Variants in MCAM observed in about 807,000 individuals in gnomAD.
MCAM encodes the protein cell surface glycoprotein MUC18.
MCAM carries 55 observed loss-of-function variants against 79.1 expected under a neutral mutation model. The observed-to-expected ratio is 0.70, with a 90% CI of 0.56 to 0.87. The LOEUF (loss-of-function observed/expected upper bound fraction) is 0.87. Among genes scored for constraint, MCAM ranks in the 40% least tolerant of loss-of-function variants. The probability of loss-of-function intolerance (pLI) is 0.00; values close to 1 mark genes in which losing one functional copy is unlikely to be tolerated. For synonymous variants in MCAM, 330 were observed against 339.8 expected (o/e 0.97, Z 0.32); for missense variants, 745 against 839.8 (o/e 0.89, Z 1.40).
Position 119,312,080 on chromosome 11 carries a change from T to C in MCAM, c.1115A>G (p.Asp372Gly). ...TTCTCTCAGCCACTGGAACTCGAGGTCCTGGCTACTCTCTGCCTCACAGGT... is the reference window on the plus strand; with the variant it reads ...TTCTCTCAGCCACTGGAACTCGAGGCCCTGGCTACTCTCTGCCTCACAGGT... ...TLTCEAESSQ[D>G]LEFQWLREET... The change falls in exon 9 of 16, where the codon GAC becomes GGC. Residue 372 changes from aspartate (D) to glycine (G), a missense_variant. Physicochemically the swap from Asp to Gly is moderately conservative, Grantham distance 94 (BLOSUM62 -1). Transcript: ENST00000264036. The surrounding 1 kb of genome is among the most constrained non-coding windows in gnomAD (Gnocchi z 4.9). The C allele has an allele frequency of 6.2e-7, 1 of 1,611,040 alleles. No individual in the cohort carries two copies. The highest frequency in any genetic ancestry group is 8.5e-7 in the Non-Finnish European group (1 of 1,179,056).
At position 119,312,231 on chromosome 11, in the gene MCAM, C is replaced by A. The variant is rs537358198; in HGVS notation, c.1024+35G>T. ...TGGGGCCAGTTCCCTATTGCCCCAG[C>A]CTGGTCCCCCTGTCCTGGGTCCCCA... On this transcript the variant is annotated intron_variant, in intron 8 of 15. Coordinates refer to ENST00000264036, the MANE Select transcript of MCAM (RefSeq NM_006500.3). The surrounding 1 kb of genome is among the most constrained non-coding windows in gnomAD (Gnocchi z 4.9). 5 of 1,612,654 alleles carry A rather than the reference C, an allele frequency of 3.1e-6. No homozygotes were observed. In the South Asian group the frequency reaches 3.3e-5, roughly 11 times the overall value.
Position 119,312,736 on chromosome 11 carries a change from G to A in MCAM, c.739+34C>T, listed in dbSNP as rs750704998. On this transcript the variant is annotated intron_variant, in intron 6 of 15. Coordinates refer to ENST00000264036, the MANE Select transcript of MCAM (RefSeq NM_006500.3). The surrounding 1 kb of genome is among the most constrained non-coding windows in gnomAD (Gnocchi z 4.9). ...CCAGCAGGAGTTTCCAGCAGCCCCAGCCCCAGTAAGCAGAGAGTCAGGTTA... is the reference window on the plus strand; with the variant it reads ...CCAGCAGGAGTTTCCAGCAGCCCCAACCCCAGTAAGCAGAGAGTCAGGTTA... 2.5e-6 allele frequency: 4 copies of A among 1,613,074 alleles called. No individual in the cohort carries two copies. The highest frequency in any genetic ancestry group is 2.7e-5 in the African/African-American group (2 of 74,870).
rs1950238872 is a variant in MCAM, at chr11:119,311,869, C to T, written c.1224G>A (p.Val408=). Reference sequence around the variant, plus strand: ...GGCCGGGTATGCTGGGCACAGACGCCACGCAGCGATAGCCGCCTCCTGCCT... The same window carrying T: ...GGCCGGGTATGCTGGGCACAGACGCTACGCAGCGATAGCCGCCTCCTGCCT... ...KREAGGGYRC[V]ASVPSIPGLN... The change falls in exon 10 of 16, where the codon GTG becomes GTA. Residue 408 remains valine, a synonymous_variant. Transcript: ENST00000264036. The surrounding 1 kb of genome is among the most constrained non-coding windows in gnomAD (Gnocchi z 4.4). 4.3e-6 allele frequency: 7 copies of T among 1,614,012 alleles called. No homozygotes were observed. Among genetic ancestry groups the T allele is most frequent in the Non-Finnish European group, 5.9e-6 (7 of 1,180,036 alleles).
Position 119,312,111 on chromosome 11 carries a change from T to G in MCAM, c.1084A>C (p.Thr362Pro), listed in dbSNP as rs1039370776. ...APERQEGSSL[T>P]LTCEAESSQD... The stretch of plus-strand genomic sequence containing the variant: ...CTACTCTCTGCCTCACAGGTCAGGG[T>G]GAGGCTGCTGCCTTCCTGTCTCTCA... The change falls in exon 9 of 16, where the codon ACC becomes CCC. Residue 362 changes from threonine (T) to proline (P), a missense_variant. Coordinates refer to ENST00000264036, the MANE Select transcript of MCAM (RefSeq NM_006500.3). This position sits in a 1 kb window ranked among gnomAD's most constrained non-coding sequence, Gnocchi z 4.9. The G allele has an allele frequency of 6.2e-7, 1 of 1,611,138 alleles. No homozygotes were observed. Among genetic ancestry groups the G allele is most frequent in the Non-Finnish European group, 8.5e-7 (1 of 1,179,048 alleles).
chr11:119,310,599 G>T, intron 14 of MCAM, 133 bp from the exon 15 acceptor site: 1 of 1,074,300 alleles, frequency 9.3e-7, no homozygotes, highest in Non-Finnish European at 1.4e-6. Context: ...CAGGTCATGA[G>T]ACCATGTGGC....
At position 119,316,894 on chromosome 11, in the gene MCAM, G is replaced by T; in HGVS notation, c.67+141C>A. ...AAGAAGAGTTGCTCGCGCGCAAGGCGCCCGGGGATCGGGGACCCAGGGAGG... is the reference window on the plus strand; with the variant it reads ...AAGAAGAGTTGCTCGCGCGCAAGGCTCCCGGGGATCGGGGACCCAGGGAGG... On this transcript the variant is annotated intron_variant, in intron 1 of 15. Coordinates refer to ENST00000264036, the MANE Select transcript of MCAM (RefSeq NM_006500.3). The surrounding 1 kb of genome is among the most constrained non-coding windows in gnomAD (Gnocchi z 4.8). 3 of 652,048 alleles carry T rather than the reference G, an allele frequency of 4.6e-6. No individual in the cohort carries two copies. Among genetic ancestry groups the T allele is most frequent in the South Asian group, 2.0e-5 (1 of 49,440 alleles). The allele number at this position is 652,048 out of a possible 1,614,324, so 40.4% of individuals were successfully genotyped here.
In MCAM at chr11:119,316,433, C is replaced by G. The variant is rs1950311418; in HGVS notation, c.67+602G>C. 1 of 152,340 alleles carries G rather than the reference C, an allele frequency of 6.6e-6. No individual in the cohort carries two copies. The highest frequency in any genetic ancestry group is 2.4e-5 in the African/African-American group (1 of 41,466). The allele number at this position is 152,340 out of a possible 1,614,324, so 9.4% of individuals were successfully genotyped here. On this transcript the variant is annotated intron_variant, in intron 1 of 15. Coordinates refer to ENST00000264036, the MANE Select transcript of MCAM (RefSeq NM_006500.3). This position sits in a 1 kb window ranked among gnomAD's most constrained non-coding sequence, Gnocchi z 4.8. ...CAGCGGGCGCTTCCAGTATGGGAAT[C>G]CTCCATCCCTCATCTCTGTCCCCTA... is the stretch of plus-strand genomic sequence containing the variant.
intron 5 of MCAM, chr11:119,313,398 T>TG (rs2135342983): frequency 1.3e-6 from 1 of 757,904 alleles, no homozygotes; most frequent in East Asian, 9.7e-5. Flanking sequence ...TACTGATAAT[T>TG]TTTTTTTTTT....
chr11:119,314,519 T>C lies in MCAM; in HGVS notation c.529A>G (p.Asn177Asp), dbSNP rs767164239. The part of the protein sequence containing the change: ...YPIPQVIWYK[N>D]GRPLKEEKNR... Reference sequence around the variant, plus strand: ...TTCTCCTCCTTCAGAGGCCGGCCATTCTTGTACCAGATGACTTGAGGAATG... The same window carrying C: ...TTCTCCTCCTTCAGAGGCCGGCCATCCTTGTACCAGATGACTTGAGGAATG... Residue 177 changes from asparagine to aspartate, a missense_variant, in exon 5 of 16, where the codon AAT becomes GAT. Transcript: ENST00000264036. 1.9e-6 allele frequency: 3 copies of C among 1,613,656 alleles called. No homozygotes were observed. The highest frequency in any genetic ancestry group is 2.7e-5 in the African/African-American group (2 of 74,824).
rs1638834298 is a variant in MCAM at position 119,309,560 on chromosome 11, G to A, written c.*326C>T. 5 of 364,990 alleles carry A rather than the reference G, an allele frequency of 1.4e-5. No individual in the cohort carries two copies. The Admixed American group carries it at 2.2e-4, about 16-fold the overall frequency. 22.6% of individuals were successfully genotyped at this position (364,990 alleles called of 1,614,324 possible). On this transcript the variant is annotated 3_prime_UTR_variant, in exon 16 of 16. Transcript: ENST00000264036. The stretch of plus-strand genomic sequence containing the variant: ...CTACCCAGCTCAGCTGCTGGCAGGA[G>A]CCAGGTATTTACAGCCATAATGTGT...
Position 119,309,496 on chromosome 11 carries a change from G to GTA in MCAM, c.*389_*390insTA. On this transcript the variant is annotated 3_prime_UTR_variant, in exon 16 of 16. Coordinates refer to ENST00000264036, the MANE Select transcript of MCAM (RefSeq NM_006500.3). ...CACTTCAGTGGTGCACCTGGATGGT[G>GTA]GAAGCCAGCCTTTGGGGCAGGAAAC... 1 of 270,670 alleles carries GTA rather than the reference G, an allele frequency of 3.7e-6. No homozygotes were observed. Among genetic ancestry groups the GTA allele is most frequent in the Non-Finnish European group, 7.1e-6 (1 of 140,352 alleles). 16.8% of individuals were successfully genotyped at this position (270,670 alleles called of 1,614,324 possible). A position where few individuals can be genotyped will look rare whatever the true frequency, so the allele number is the denominator to read the frequency against.
rs1468985281 is a variant in MCAM at position 119,315,080 on chromosome 11, C to T, written c.193-40G>A. The T allele has an allele frequency of 5.0e-6, 8 of 1,610,830 alleles. No individual in the cohort carries two copies. Among genetic ancestry groups the T allele is most frequent in the Non-Finnish European group, 6.8e-6 (8 of 1,179,746 alleles). ...CACAGAGGAGGAGAAGGGTCCTGGG[C>T]TACAAGAGGGGCAGAGTCTCCCTCC... On this transcript the variant is annotated intron_variant, in intron 2 of 15. Coordinates refer to ENST00000264036, the MANE Select transcript of MCAM (RefSeq NM_006500.3). This position sits in a 1 kb window ranked among gnomAD's most constrained non-coding sequence, Gnocchi z 4.4.
chr11:119,314,286 T>C, intron 5 of MCAM: 3 of 561,756 alleles, frequency 5.3e-6, no homozygotes, highest in Non-Finnish European at 9.4e-6. Flanking sequence ...CTCCCAAGTA[T>C]CTGGGACCAC....
chr11:119,313,628 C>T (rs960227333), intron 5 of MCAM: 13 of 258,480 alleles, frequency 5.0e-5, no homozygotes, highest in Middle Eastern at 1.4e-3. Flanking sequence ...CTTGAACTCC[C>T]GACCTCAGGT....
At chr11:119,314,303 A>C in intron 5 of MCAM, 186 bp downstream of exon 5, 1 of 588,204 alleles carries the variant, frequency 1.7e-6, no homozygotes, top group Non-Finnish European at 3.0e-6. Flanking sequence ...CCACAGGCAC[A>C]CACCACCATG....
In MCAM at chr11:119,312,613, C is replaced by G. The variant is rs138068064; in HGVS notation, c.775G>C (p.Val259Leu). ...TEKVWLEVEP[V>L]GMLKEGDRVE... Reference sequence around the variant, plus strand: ...CGGTCCCCTTCCTTCAGCATTCCCACGGGCTCCACTTCCAGCCACACTTTT... The same window carrying G: ...CGGTCCCCTTCCTTCAGCATTCCCAGGGGCTCCACTTCCAGCCACACTTTT... The change falls in exon 7 of 16, where the codon GTG becomes CTG. Residue 259 changes from valine (V) to leucine (L), a missense_variant. Val to Leu is a conservative substitution (Grantham distance 32, BLOSUM62 1). Transcript: ENST00000264036. The surrounding 1 kb of genome is among the most constrained non-coding windows in gnomAD (Gnocchi z 4.9). 7.3e-5 allele frequency: 118 copies of G among 1,614,108 alleles called. 2 individuals are homozygous for G. The South Asian group carries it at 1.2e-3, about 16-fold the overall frequency.
rs1950316921 is a variant in MCAM at position 119,316,947 on chromosome 11, C to G, written c.67+88G>C. ...GCTCGTCCTCCCAGACGCAACGCCC[C>G]GACCCCGCCGCGCCGCTGGCTCTGC... On this transcript the variant is annotated intron_variant, in intron 1 of 15. Coordinates refer to ENST00000264036, the MANE Select transcript of MCAM (RefSeq NM_006500.3). This position sits in a 1 kb window ranked among gnomAD's most constrained non-coding sequence, Gnocchi z 4.8. 8.1e-7 allele frequency: 1 copy of G among 1,227,636 alleles called. No individual in the cohort carries two copies. The highest frequency in any genetic ancestry group is 1.1e-6 in the Non-Finnish European group (1 of 896,128). The allele number at this position is 1,227,636 out of a possible 1,614,324, so 76.0% of individuals were successfully genotyped here.
rs569708081 is a variant in MCAM, at chr11:119,310,891, G to A, written c.1658C>T (p.Pro553Leu). 45 of 1,614,158 alleles carry A rather than the reference G, an allele frequency of 2.8e-5. No homozygotes were observed. The highest frequency in any genetic ancestry group is 2.0e-4 in the East Asian group (9 of 44,876). ...ANSTSTERKL[P>L]EPESRGVVIV... Reference sequence around the variant, plus strand: ...GACCACGCCCCGGCTCTCCGGCTCCGGCAGCTTTCTCTCTGCGCCACAAAG... The same window carrying A: ...GACCACGCCCCGGCTCTCCGGCTCCAGCAGCTTTCTCTCTGCGCCACAAAG... The change falls in exon 14 of 16, where the codon CCG (proline) becomes CTG (leucine). Residue 553 changes from proline (P) to leucine (L), a missense_variant. Transcript: ENST00000264036.
chr11:119,311,773 G>A lies in MCAM; in HGVS notation c.1285+35C>T. On this transcript the variant is annotated intron_variant, in intron 10 of 15. Transcript: ENST00000264036. The surrounding 1 kb of genome is among the most constrained non-coding windows in gnomAD (Gnocchi z 4.4). ...AGAGCTTAAAAACCACCCCACTTGG[G>A]GTGACCTGGTCTCTACCCAGAGGGA... 1 of 1,612,266 alleles carries A rather than the reference G, an allele frequency of 6.2e-7. No homozygotes were observed. The highest frequency in any genetic ancestry group is 1.1e-5 in the South Asian group (1 of 90,972).
Sources: allele counts gnomAD v4.1 joint callset, GRCh38; gene constraint gnomAD v4.1.1; non-coding constraint Gnocchi (gnomAD v3.1); transcripts MANE v1.5; gene names NCBI Gene and HGNC (gene_info 2026-07-23, HGNC 2026-07-21).